Variants in ZNF365 observed in about 807,000 individuals in gnomAD.
ZNF365 encodes the protein zinc finger protein 365, also known as protein ZNF365.
Under a neutral mutation model 35.0 loss-of-function variants are expected in ZNF365, and 22 were observed. The ratio of observed to expected loss-of-function variants is 0.63; its 90% CI spans 0.45 to 0.90. ZNF365 has a LOEUF of 0.90. ZNF365 is among the 40% of genes least tolerant of loss of function. The pLI is 0.00. For synonymous variants in ZNF365, 188 were observed against 196.2 expected, an observed-to-expected ratio of 0.96 and a Z score of 0.35; for missense variants, 448 against 500.3, an observed-to-expected ratio of 0.90 and a Z score of 1.00.
chr10:62,470,036 T>G (rs1841008070), intron 4 of ZNF365, among the ~76,000 whole-genome samples: 1 of 152,188 alleles, frequency 6.6e-6, no homozygotes, highest in South Asian at 2.1e-4. Flanking sequence ...TATATGATAG[T>G]TCCAATTTCT....
intron 3 of ZNF365, among the ~76,000 whole-genome samples, chr10:62,441,204 C>T (rs1840495558): frequency 6.6e-6 from 1 of 152,002 alleles, no homozygotes; most frequent in Non-Finnish European, 1.5e-5. Context: ...GTCATACAGC[C>T]AGTATGTTGC....
intron 3 of ZNF365, among the ~76,000 whole-genome samples, chr10:62,429,341 A>G (rs1840300600): frequency 6.6e-6 from 1 of 152,192 alleles, no homozygotes; most frequent in Admixed American, 6.5e-5. Flanking sequence ...GAGGATCTCA[A>G]AGTGGTTTTC....
chr10:62,437,532 C>T (rs1433587426), intron 3 of ZNF365, among the ~76,000 whole-genome samples: 1 of 152,138 alleles, frequency 6.6e-6, no homozygotes, highest in Non-Finnish European at 1.5e-5. Context: ...CGGAAGCAGA[C>T]AAAGTTTAAA....
intron 3 of ZNF365, among the ~76,000 whole-genome samples, chr10:62,397,944 G>T (rs912753876): frequency 6.6e-6 from 1 of 152,140 alleles, no homozygotes; most frequent in Non-Finnish European, 1.5e-5. Context: ...TTGGTTACAT[G>T]AATAAATTCT....
At chr10:62,436,903 G>A (rs1840416671) in intron 3 of ZNF365, among the ~76,000 whole-genome samples, 1 of 151,362 alleles carries the variant, frequency 6.6e-6, no homozygotes, top group South Asian at 2.1e-4. Flanking sequence ...CGTAAACAAC[G>A]AGTGCTCCAA....
At chr10:62,472,909 A>G (rs540836624) in intron 4 of ZNF365, among the ~76,000 whole-genome samples, 2 of 152,218 alleles carry the variant, frequency 1.3e-5, no homozygotes, top group African/African-American at 4.8e-5. Flanking sequence ...ACTTAGGGTG[A>G]AAACAGAGTC....
At chr10:62,454,691 CT>C (rs1459506567) in intron 3 of ZNF365, among the ~76,000 whole-genome samples, 1 of 151,898 alleles carries the variant, frequency 6.6e-6, no homozygotes, top group East Asian at 1.9e-4. Context: ...TGAACATTTA[CT>C]ATCTTAATTA....
chr10:62,376,986 C>G (rs750590434), intron 2 of ZNF365, 50 bp downstream of exon 2: 3 of 1,556,922 alleles, frequency 1.9e-6, no homozygotes, highest in Non-Finnish European at 2.6e-6. Flanking sequence ...AAGCAGCACC[C>G]CAATCGCCTT....
chr10:62,435,373 T>G (rs1713249149), intron 3 of ZNF365, among the ~76,000 whole-genome samples: 2 of 152,160 alleles, frequency 1.3e-5, no homozygotes. Flanking sequence ...GAAGAAGGTT[T>G]CATTTTTTGC....
At chr10:62,436,804 G>A (rs910731383) in intron 3 of ZNF365, among the ~76,000 whole-genome samples, 1 of 152,194 alleles carries the variant, frequency 6.6e-6, no homozygotes, top group Non-Finnish European at 1.5e-5. Flanking sequence ...AATTTAATAT[G>A]CCTGAGCAGG....
chr10:62,378,099 G>A (rs1347557307), intron 2 of ZNF365, among the ~76,000 whole-genome samples: 1 of 152,206 alleles, frequency 6.6e-6, no homozygotes, highest in Non-Finnish European at 1.5e-5. Flanking sequence ...ATTTGAATCA[G>A]CCTCTGACTT....
chr10:62,459,630 C>T (rs1210050638), intron 3 of ZNF365: 1 of 1,194,990 alleles, frequency 8.4e-7, no homozygotes. Context: ...AATATGTCAG[C>T]TCTCTTTACT....
chr10:62,408,012 G>A (rs1185103329), intron 3 of ZNF365, among the ~76,000 whole-genome samples: 1 of 152,188 alleles, frequency 6.6e-6, no homozygotes, highest in Admixed American at 6.5e-5. Context: ...CATAGAAAAT[G>A]AGTATACCAG....
rs1428770664 is a variant in ZNF365 at position 62,376,283 on chromosome 10, G to T, written c.90G>T (p.Arg30Ser). The T allele has an allele frequency of 2.5e-6, 4 of 1,614,144 alleles. No homozygotes were observed. Among genetic ancestry groups the T allele is most frequent in the Non-Finnish European group, 1.7e-6 (2 of 1,180,030 alleles). The change falls in exon 2 of 5, where the codon AGG becomes AGT. Residue 30 changes from arginine to serine, a missense_variant. Arg to Ser is a moderately radical substitution (Grantham distance 110). Coordinates refer to ENST00000395254, the MANE Select transcript of ZNF365 (RefSeq NM_014951.3). ...VAVCLPLRCP[R>S]CGDHTRFRSL... Reference sequence around the variant, plus strand: ...TGTGCCTGCCATTACGCTGCCCGAGGTGTGGAGACCATACCAGATTTAGAA... The same window carrying T: ...TGTGCCTGCCATTACGCTGCCCGAGTTGTGGAGACCATACCAGATTTAGAA...
intron 4 of ZNF365, among the ~76,000 whole-genome samples, chr10:62,469,929 A>G (rs1200259349): frequency 6.6e-6 from 1 of 152,232 alleles, no homozygotes; most frequent in Non-Finnish European, 1.5e-5. Flanking sequence ...CCATTATGTA[A>G]TACCACTTGC....
chr10:62,406,870 G>C (rs866278235), downstream of ZNF365, among the ~76,000 whole-genome samples: 1 of 152,160 alleles, frequency 6.6e-6, no homozygotes, highest in Non-Finnish European at 1.5e-5. Flanking sequence ...TGAGAGAACT[G>C]TATCTACCCT....
intron 3 of ZNF365, among the ~76,000 whole-genome samples, chr10:62,397,432 A>G (rs892337556): frequency 1.3e-5 from 2 of 152,118 alleles, no homozygotes; most frequent in East Asian, 1.9e-4. Context: ...CCTTTTCTCC[A>G]TATTTTATTT....
intron 4 of ZNF365, among the ~76,000 whole-genome samples, chr10:62,474,571 TC>T (rs1020349155): frequency 2.2e-4 from 33 of 152,278 alleles, no homozygotes; most frequent in African/African-American, 7.5e-4. Context: ...CATTCAATCT[TC>T]TTTACCCAGC....
rs1295126885 is a variant in ZNF365 at position 62,399,967 on chromosome 10, A to T, written c.*178A>T. 4.4e-6 allele frequency: 6 copies of T among 1,359,004 alleles called. No individual in the cohort carries two copies. Among genetic ancestry groups the T allele is most frequent in the Non-Finnish European group, 5.7e-6 (6 of 1,056,574 alleles). 84.2% of individuals were successfully genotyped at this position (1,359,004 alleles called of 1,614,324 possible). The stretch of plus-strand genomic sequence containing the variant: ...TAGCAAATGGGAATCTTAGTGAACC[A>T]GAATTTTATTATAACCCCCTTTTAG... On this transcript the variant is annotated 3_prime_UTR_variant, in exon 5 of 5. Transcript: ENST00000395254.
Sources: gnomAD v4.1 joint callset for allele counts (sites outside exome capture counted in the v4.1 genomes callset) on GRCh38, gnomAD v4.1.1 for gene constraint, MANE v1.5 for transcripts, NCBI Gene and HGNC (gene_info 2026-07-23, HGNC 2026-07-21) for gene names.